The following ZNF91 variants were observed in gnomAD, a reference collection of about 807,000 sequenced individuals.
ZNF91 encodes the protein zinc finger protein 91, also known as zinc finger protein 91 (HPF7, HTF10).
A neutral mutation model predicts 12.6 loss-of-function variants in ZNF91; 7 were observed. That is an observed-to-expected ratio of 0.55 (90% CI 0.31 to 1.04). The LOEUF is 1.04. ZNF91 is among the 50% of genes least tolerant of loss of function. ZNF91 has a pLI of 0.05. For missense variants in ZNF91, 1,217 were observed against 1,385.4 expected, an observed-to-expected ratio of 0.88 and a Z score of 1.93; for synonymous variants, 453 against 462.6, an observed-to-expected ratio of 0.98 and a Z score of 0.27.
downstream of ZNF91, among the ~76,000 whole-genome samples, chr19:23,353,271 A>G (rs1447416256): frequency 6.6e-6 from 1 of 152,240 alleles, no homozygotes; most frequent in Non-Finnish European, 1.5e-5. Context: ...CTCAGACCAC[A>G]GTGGAATAAA....
At chr19:23,345,400 C>G (rs939453381) in intron 3 of ZNF91, among the ~76,000 whole-genome samples, 18 of 152,158 alleles carry the variant, frequency 1.2e-4, no homozygotes, top group Admixed American at 1.2e-3. Flanking sequence ...ATAATGGGTC[C>G]AAATGGCCCA....
intron 3 of ZNF91, among the ~76,000 whole-genome samples, chr19:23,370,043 C>CAAACAAAA (rs1969211528): frequency 6.8e-6 from 1 of 148,032 alleles, no homozygotes; most frequent in African/African-American, 2.5e-5. Flanking sequence ...AACAAACAAA[C>CAAACAAAA]AAAACTTATA....
chr19:23,314,977 G>A (rs1787993078), upstream of ZNF91, among the ~76,000 whole-genome samples: 1 of 152,144 alleles, frequency 6.6e-6, no homozygotes, highest in Admixed American at 6.5e-5. Flanking sequence ...ATATACGTCA[G>A]CCCACCTATT....
chr19:23,334,002 CA>C (rs758665727), downstream of ZNF91, among the ~76,000 whole-genome samples: 1 of 152,170 alleles, frequency 6.6e-6, no homozygotes, highest in Non-Finnish European at 1.5e-5. Flanking sequence ...TAAAATTCAC[CA>C]GTGACTCACA....
rs371611077 is a variant in ZNF91 at position 23,360,420 on chromosome 19, G to C, written c.2559C>G (p.Leu853=). The C allele has an allele frequency of 4.5e-5, 73 of 1,613,954 alleles. No homozygotes were observed. The African/African-American group carries it at 9.1e-4, about 20-fold the overall frequency. The part of the protein sequence containing the change: ...KHKIIHAGEK[L]YKCEECGKAF... The stretch of plus-strand genomic sequence containing the variant: ...CTTTGCCACATTCCTCACATTTGTA[G>C]AGTTTCTCTCCAGCATGTATTATTT... Residue 853 remains leucine, a synonymous_variant, in exon 4 of 4, where the codon CTC becomes CTG. Transcript: ENST00000300619.
At chr19:23,351,602 T>C (rs1968369130) in intron 3 of ZNF91, among the ~76,000 whole-genome samples, 2 of 152,174 alleles carry the variant, frequency 1.3e-5, no homozygotes, top group South Asian at 2.1e-4. Flanking sequence ...GAAGAAAATG[T>C]GAACAGTTTT....
At chr19:23,342,300 G>T (rs1284806955) in intron 3 of ZNF91, 6 of 411,334 alleles carry the variant, frequency 1.5e-5, no homozygotes, top group Non-Finnish European at 2.2e-5. Flanking sequence ...GACTTTCTGG[G>T]ATCCTCCAGT....
chr19:23,328,867 G>A (rs1283591424), intron 1 of ZNF91: 3 of 152,202 alleles, frequency 2.0e-5, no homozygotes, highest in Non-Finnish European at 4.4e-5. Flanking sequence ...CTGGGTGGAT[G>A]GTGGTGCCTC....
chr19:23,317,805 C>G (rs551359398), intron 1 of ZNF91, among the ~76,000 whole-genome samples: 1 of 152,172 alleles, frequency 6.6e-6, no homozygotes, highest in South Asian at 2.1e-4. Context: ...GAGGTTCCCA[C>G]GCACAGACCT....
At chr19:23,381,315 T>A (rs910649717) in intron 1 of ZNF91, among the ~76,000 whole-genome samples, 2 of 152,194 alleles carry the variant, frequency 1.3e-5, no homozygotes, top group Non-Finnish European at 2.9e-5. Flanking sequence ...TTCATACTCT[T>A]GCAGAAAATA....
rs1968691490 is a variant in ZNF91 at position 23,360,488 on chromosome 19, A to G, written c.2491T>C (p.Cys831Arg). Residue 831 changes from cysteine (C) to arginine (R), a missense_variant, in exon 4 of 4, where the codon TGT becomes CGT. Physicochemically the swap from Cys to Arg is radical, Grantham distance 180. Coordinates refer to ENST00000300619, the MANE Select transcript of ZNF91 (RefSeq NM_003430.4). Reference protein sequence around the residue: ...TGEKPYKCKECGKAFKHSSAL... With the variant: ...TGEKPYKCKERGKAFKHSSAL... Reference sequence around the variant, plus strand: ...GAGGAGTGCTTAAAAGCTTTGCCACATTCTTTACATTTGTAGGGTTTCTCT... The same window carrying G: ...GAGGAGTGCTTAAAAGCTTTGCCACGTTCTTTACATTTGTAGGGTTTCTCT... 6.2e-7 allele frequency: 1 copy of G among 1,613,706 alleles called. No individual in the cohort carries two copies. Among genetic ancestry groups the G allele is most frequent in the South Asian group, 1.1e-5 (1 of 91,066 alleles).
chr19:23,305,308 C>T (rs1282213041), intron 3 of ZNF91, among the ~76,000 whole-genome samples: 1 of 152,180 alleles, frequency 6.6e-6, no homozygotes, highest in Non-Finnish European at 1.5e-5. Context: ...CATTTCCCTA[C>T]TTATTCTTCT....
chr19:23,358,845 G>C lies in ZNF91; in HGVS notation c.*558C>G, dbSNP rs2145045502. 5.9e-6 allele frequency: 1 copy of C among 168,988 alleles called. No homozygotes were observed. The highest frequency in any genetic ancestry group is 2.4e-5 in the African/African-American group (1 of 41,708). The allele number at this position is 168,988 out of a possible 1,614,324, so 10.5% of individuals were successfully genotyped here. On this transcript the variant is annotated 3_prime_UTR_variant, in exon 4 of 4. Transcript: ENST00000300619. The stretch of plus-strand genomic sequence containing the variant: ...AAAAGTTTGACTTGTCAAAAGCGTT[G>C]GCACATCTTTCAGGTTTGTAGAGTT...
chr19:23,365,687 T>C (rs570599142), intron 3 of ZNF91, among the ~76,000 whole-genome samples: 1 of 152,184 alleles, frequency 6.6e-6, no homozygotes, highest in South Asian at 2.1e-4. Context: ...CAAAGGTCTC[T>C]GGTTTTCCTA....
intron 1 of ZNF91, among the ~76,000 whole-genome samples, chr19:23,319,959 C>T (rs1967651799): frequency 6.6e-6 from 1 of 152,162 alleles, no homozygotes; most frequent in Non-Finnish European, 1.5e-5. Flanking sequence ...CAGAGGTTTA[C>T]CACTCTCTTG....
chr19:23,338,219 G>C (rs1599699163), downstream of ZNF91: 1 of 151,946 alleles, frequency 6.6e-6, no homozygotes, highest in African/African-American at 2.4e-5. Flanking sequence ...ATGATAATCA[G>C]AATATCTAAA....
At chr19:23,316,849 A>G (rs1183658356) in intron 1 of ZNF91, among the ~76,000 whole-genome samples, 1 of 152,142 alleles carries the variant, frequency 6.6e-6, no homozygotes, top group Non-Finnish European at 1.5e-5. Flanking sequence ...CAGCATCCAA[A>G]TGAGATTGGG....
chr19:23,313,345 A>G (rs1220249845), upstream of ZNF91, among the ~76,000 whole-genome samples: 1 of 152,126 alleles, frequency 6.6e-6, no homozygotes, highest in Non-Finnish European at 1.5e-5. Flanking sequence ...ACATTGTTGG[A>G]ACTCACTTCT....
chr19:23,369,577 G>A (rs2145085505), intron 3 of ZNF91, among the ~76,000 whole-genome samples: 1 of 152,274 alleles, frequency 6.6e-6, no homozygotes, highest in African/African-American at 2.4e-5. Flanking sequence ...GGGGAAATGT[G>A]GGGAAAAGAT....
Sources: allele counts gnomAD v4.1 joint callset (sites outside exome capture counted in the v4.1 genomes callset), GRCh38; gene constraint gnomAD v4.1.1; transcripts MANE v1.5; gene names NCBI Gene and HGNC (gene_info 2026-07-23, HGNC 2026-07-21).